FER: variants seen among roughly 807,000 people sequenced by gnomAD.
The protein encoded by FER is FER tyrosine kinase.
A neutral mutation model predicts 111.0 loss-of-function variants in FER; 63 were observed. The ratio of observed to expected loss-of-function variants is 0.57; its 90% CI spans 0.46 to 0.70. The LOEUF (loss-of-function observed/expected upper bound fraction) is 0.70. Ranked by LOEUF, FER falls within the 30% of genes least tolerant of loss-of-function variation. The pLI, the probability that FER is intolerant of heterozygous loss-of-function variation, is 0.00. For missense variants in FER, 914 were observed against 954.0 expected (o/e 0.96, Z 0.55); for synonymous variants, 327 against 313.9 (o/e 1.04, Z -0.44).
chr5:108,833,156 C>T (rs1760226534), intron 4 of FER, among the ~76,000 whole-genome samples: 1 of 152,024 alleles, frequency 6.6e-6, no homozygotes, highest in African/African-American at 2.4e-5. Context: ...AAAAGAGGCT[C>T]CCAATTAAAC....
At chr5:108,871,607 G>A in intron 7 of FER, 105 bp downstream of exon 7, 2 of 779,022 alleles carry the variant, frequency 2.6e-6, no homozygotes, top group Admixed American at 6.1e-5. Context: ...ATCTTATTAA[G>A]ACATAGAATA....
Position 109,193,696 on chromosome 5 carries a change from A to T in FER, c.*6121A>T, listed in dbSNP as rs1393941520. 1 of 152,190 alleles carries T rather than the reference A, an allele frequency of 6.6e-6. No individual in the cohort carries two copies. Among genetic ancestry groups the T allele is most frequent in the Non-Finnish European group, 1.5e-5 (1 of 68,026 alleles). The allele number at this position is 152,190 out of a possible 1,614,324, so 9.4% of individuals were successfully genotyped here. ...TTTTTCCAGTATTTGACTTCTGATT[A>T]CTATTTCCTTTTCTCATCTTTAGTT... On this transcript the variant is annotated 3_prime_UTR_variant, in exon 20 of 20. Transcript: ENST00000281092.
intron 5 of FER, among the ~76,000 whole-genome samples, chr5:108,862,922 TTTACTC>T (rs1763670589): frequency 6.6e-6 from 1 of 152,098 alleles, no homozygotes; most frequent in African/African-American, 2.4e-5. Flanking sequence ...TTAGTGAACT[TTTACTC>T]TTATTCAGGA....
At chr5:108,976,687 G>A (rs1450632423) in intron 13 of FER, among the ~76,000 whole-genome samples, 1 of 151,968 alleles carries the variant, frequency 6.6e-6, no homozygotes, top group Non-Finnish European at 1.5e-5. Context: ...CTTACAATAA[G>A]GCAGAGAAAA....
intron 10 of FER, among the ~76,000 whole-genome samples, chr5:108,912,212 G>A (rs1581169039): frequency 6.6e-6 from 1 of 152,190 alleles, no homozygotes; most frequent in Middle Eastern, 3.4e-3. Context: ...TGTGAAAACG[G>A]ACTAATACAA....
chr5:108,922,270 C>A (rs995069275), intron 10 of FER, among the ~76,000 whole-genome samples: 1 of 152,158 alleles, frequency 6.6e-6, no homozygotes, highest in African/African-American at 2.4e-5. Context: ...ATTTCTGGTA[C>A]TGTGTTACAG....
chr5:109,050,786 C>G (rs1772684006), intron 16 of FER, among the ~76,000 whole-genome samples: 1 of 152,198 alleles, frequency 6.6e-6, no homozygotes, highest in South Asian at 2.1e-4. Flanking sequence ...CCTGGAGGGT[C>G]AGGCCTAGAA....
chr5:108,791,844 A>C (rs753001736), intron 2 of FER, among the ~76,000 whole-genome samples: 1 of 152,180 alleles, frequency 6.6e-6, no homozygotes, highest in Non-Finnish European at 1.5e-5. Context: ...ATCCATTCAC[A>C]GTTAATGTTT....
chr5:109,144,244 T>A (rs1253530750), intron 17 of FER, among the ~76,000 whole-genome samples: 1 of 152,076 alleles, frequency 6.6e-6, no homozygotes, highest in Non-Finnish European at 1.5e-5. Flanking sequence ...AAACAAGAAA[T>A]TGATTAATTT....
chr5:108,868,019 T>C, intron 6 of FER, 69 bp downstream of exon 6: 1 of 1,441,174 alleles, frequency 6.9e-7, no homozygotes, highest in South Asian at 1.3e-5. Flanking sequence ...TCTCTCTAGT[T>C]TAGGTGTTGC....
intron 16 of FER, chr5:109,051,703 G>T: frequency 1.3e-6 from 2 of 1,567,620 alleles, no homozygotes; most frequent in Non-Finnish European, 1.8e-6. Context: ...GGGGCTCAGC[G>T]GGCCAGTGGT....
At chr5:108,964,206 A>T (rs1321538920) in intron 13 of FER, among the ~76,000 whole-genome samples, 1 of 152,166 alleles carries the variant, frequency 6.6e-6, no homozygotes, top group Middle Eastern at 3.2e-3. Context: ...ATGAAAATGA[A>T]GTAGGGTAAG....
At chr5:108,924,099 G>T (rs1224646824) in intron 10 of FER, among the ~76,000 whole-genome samples, 2 of 152,002 alleles carry the variant, frequency 1.3e-5, no homozygotes, top group African/African-American at 2.4e-5. Context: ...GCTCACACCT[G>T]TAATCCCAGC....
intron 17 of FER, among the ~76,000 whole-genome samples, chr5:109,147,723 G>A (rs1399258700): frequency 1.3e-5 from 2 of 150,294 alleles, no homozygotes; most frequent in Admixed American, 1.3e-4. Context: ...AAGTATCAGT[G>A]CATACAAACA....
intron 5 of FER, among the ~76,000 whole-genome samples, chr5:108,848,041 C>G (rs921962794): frequency 5.3e-5 from 8 of 152,052 alleles, no homozygotes; most frequent in African/African-American, 1.7e-4. Context: ...GCATGTGTTG[C>G]CATGCCCAGC....
chr5:109,022,495 T>C (rs1768064299), intron 13 of FER, among the ~76,000 whole-genome samples: 1 of 152,216 alleles, frequency 6.6e-6, no homozygotes, highest in East Asian at 1.9e-4. Context: ...TCCAGGTTAT[T>C]AGGGAGGTAT....
intron 8 of FER, among the ~76,000 whole-genome samples, chr5:108,873,595 A>C (rs1764815821): frequency 6.6e-6 from 1 of 152,224 alleles, no homozygotes; most frequent in African/African-American, 2.4e-5. Context: ...ACTGCATTAC[A>C]GAGTTTTTCC....
At chr5:108,968,638 C>T (rs548334737) in intron 13 of FER, among the ~76,000 whole-genome samples, 1 of 151,918 alleles carries the variant, frequency 6.6e-6, no homozygotes, top group East Asian at 1.9e-4. Flanking sequence ...AAATCAAACC[C>T]ACAATCAAAT....
At chr5:108,823,030 G>A (rs369449358) in intron 3 of FER, among the ~76,000 whole-genome samples, 1 of 152,126 alleles carries the variant, frequency 6.6e-6, no homozygotes. Context: ...TGCCACCATG[G>A]CCAGCTAATT....
Sources: gnomAD v4.1 joint callset for allele counts (sites outside exome capture counted in the v4.1 genomes callset) on GRCh38, gnomAD v4.1.1 for gene constraint, MANE v1.5 for transcripts, NCBI Gene and HGNC (gene_info 2026-07-23, HGNC 2026-07-21) for gene names.